Variants in VTI1A observed in about 807,000 individuals in gnomAD.
The protein encoded by VTI1A is vesicle transport through interaction with t-SNAREs 1A.
Under a neutral mutation model 34.9 loss-of-function variants are expected in VTI1A, and 22 were observed. That is an observed-to-expected ratio of 0.63 (90% CI 0.45 to 0.90). The LOEUF (loss-of-function observed/expected upper bound fraction) is 0.90, where lower values mean the gene tolerates loss of function less well. Ranked by LOEUF, VTI1A falls within the 40% of genes least tolerant of loss-of-function variation. VTI1A has a pLI of 0.00. For missense variants in VTI1A, 268 were observed against 275.6 expected, an observed-to-expected ratio of 0.97 and a Z score of 0.20; for synonymous variants, 87 against 97.3, an observed-to-expected ratio of 0.89 and a Z score of 0.62.
chr10:112,564,877 A>G (rs1205406331), intron 5 of VTI1A, among the ~76,000 whole-genome samples: 1 of 152,132 alleles, frequency 6.6e-6, no homozygotes, highest in Admixed American at 6.5e-5. Flanking sequence ...AGTGTTTGCC[A>G]ATAATTTTTG....
intron 3 of VTI1A, among the ~76,000 whole-genome samples, chr10:112,473,861 G>A (rs566209687): frequency 6.6e-6 from 1 of 152,022 alleles, no homozygotes; most frequent in South Asian, 2.1e-4. Context: ...ATGATTTTGG[G>A]GATTTTATAG....
intron 5 of VTI1A, among the ~76,000 whole-genome samples, chr10:112,583,387 C>T (rs566622998): frequency 1.3e-5 from 2 of 152,266 alleles, no homozygotes; most frequent in African/African-American, 2.4e-5. Context: ...TGTGTATATC[C>T]GCTTTATCAG....
At chr10:112,669,673 C>G (rs878900921) in intron 7 of VTI1A, among the ~76,000 whole-genome samples, 26 of 151,970 alleles carry the variant, frequency 1.7e-4, no homozygotes, top group Non-Finnish European at 1.8e-4. Context: ...TCATCTAGCA[C>G]GACTGTCAGT....
At position 112,473,103 on chromosome 10, in the gene VTI1A, CTTT is replaced by C. The variant is rs201001465; in HGVS notation, c.264+8462_264+8464del. On this transcript the variant is annotated intron_variant, in intron 3 of 7. Transcript: ENST00000393077. ...CATAACAATGAGGTCATTTGATCCA[CTTT>C]TTTTTTTTTTTTTTTCTTTTTGAGA... Among the ~76,000 whole-genome samples the C allele has an allele frequency of 7.1e-3, 944 of 133,860 alleles. 10 individuals are homozygous for C. Among genetic ancestry groups the C allele is most frequent in the African/African-American group, 0.025 (919 of 36,722 alleles). The allele number at this position is 133,860 out of a possible 152,430, so 87.8% of individuals were successfully genotyped here.
At position 112,632,578 on chromosome 10, in the gene VTI1A, C is replaced by T. The variant is rs188982353; in HGVS notation, c.428-35640C>T. Among the ~76,000 whole-genome samples, 87 of 152,312 alleles carry T rather than the reference C, an allele frequency of 5.7e-4. 1 individual carries two copies. The highest frequency in any genetic ancestry group is 5.1e-3 in the Admixed American group (78 of 15,300). On this transcript the variant is annotated intron_variant, in intron 5 of 7. Coordinates refer to ENST00000393077, the MANE Select transcript of VTI1A (RefSeq NM_145206.4). ...CCATGGGGATCGTTGCCAGCCACTGCGGGCAGGGATAGACGGGATTCACAT... is the reference window on the plus strand; with the variant it reads ...CCATGGGGATCGTTGCCAGCCACTGTGGGCAGGGATAGACGGGATTCACAT...
At chr10:112,774,991 C>T (rs556821565) in intron 7 of VTI1A, among the ~76,000 whole-genome samples, 58 of 152,272 alleles carry the variant, frequency 3.8e-4, no homozygotes, top group South Asian at 8.3e-4. Flanking sequence ...AGAACAATGA[C>T]GCCTGTGTCA....
chr10:112,758,828 T>G (rs1006775240), intron 7 of VTI1A, among the ~76,000 whole-genome samples: 9 of 152,258 alleles, frequency 5.9e-5, no homozygotes, highest in Non-Finnish European at 1.3e-4. Flanking sequence ...TTGTTATTAT[T>G]TTCATACACA....
At chr10:112,814,709 G>C (rs564223269) in intron 7 of VTI1A, among the ~76,000 whole-genome samples, 2 of 152,134 alleles carry the variant, frequency 1.3e-5, no homozygotes, top group African/African-American at 2.4e-5. Context: ...CAAATGTAAC[G>C]TTTCCTCCTA....
chr10:112,660,826 C>G (rs1468234723), intron 5 of VTI1A, among the ~76,000 whole-genome samples: 1 of 152,146 alleles, frequency 6.6e-6, no homozygotes, highest in Non-Finnish European at 1.5e-5. Flanking sequence ...TTACATAAAA[C>G]TCAAGAGCCA....
intron 5 of VTI1A, among the ~76,000 whole-genome samples, chr10:112,562,298 G>T (rs191486222): frequency 1.1e-3 from 166 of 152,166 alleles, no homozygotes; most frequent in African/African-American, 3.9e-3. Flanking sequence ...CTTAATGTTT[G>T]TTCGAGAATT....
Position 112,553,040 on chromosome 10 carries a change from T to C in VTI1A, c.427+14710T>C, listed in dbSNP as rs147804620. On this transcript the variant is annotated intron_variant, in intron 5 of 7. Transcript: ENST00000393077. ...ATGCTAACAAATTCAAATGAACTAATCGTCTCACATCCACCCCTTGTAAAT... is the reference window on the plus strand; with the variant it reads ...ATGCTAACAAATTCAAATGAACTAACCGTCTCACATCCACCCCTTGTAAAT... Among the ~76,000 whole-genome samples, 1,464 of 152,350 alleles carry C rather than the reference T, an allele frequency of 9.6e-3. 9 individuals carry two copies. The highest frequency in any genetic ancestry group is 0.016 in the Admixed American group (251 of 15,298).
At chr10:112,537,441 A>G (rs981920306) in intron 4 of VTI1A, among the ~76,000 whole-genome samples, 1 of 150,754 alleles carries the variant, frequency 6.6e-6, no homozygotes, top group Non-Finnish European at 1.5e-5. Context: ...AAAAAAATCA[A>G]CAACAACCAT....
rs553843703 is a variant in VTI1A at position 112,808,673 on chromosome 10, G to A, written c.561-6617G>A. Among the ~76,000 whole-genome samples the A allele has an allele frequency of 6.5e-4, 98 of 151,274 alleles. 4 individuals are homozygous for A. In the South Asian group the frequency reaches 0.021, roughly 32 times the overall value. Reference sequence around the variant, plus strand: ...AGCGAGAGAATCCCCAACCATACTTGCTGCAGTCAATGGGGAATTGTTTGG... The same window carrying A: ...AGCGAGAGAATCCCCAACCATACTTACTGCAGTCAATGGGGAATTGTTTGG... On this transcript the variant is annotated intron_variant, in intron 7 of 7. Coordinates refer to ENST00000393077, the MANE Select transcript of VTI1A (RefSeq NM_145206.4).
chr10:112,666,916 A>G (rs1312505023), intron 5 of VTI1A, among the ~76,000 whole-genome samples: 1 of 152,078 alleles, frequency 6.6e-6, no homozygotes, highest in African/African-American at 2.4e-5. Context: ...ATATAGTACT[A>G]TTATTATTAT....
chr10:112,736,135 ATATG>A (rs1403121175), intron 7 of VTI1A, among the ~76,000 whole-genome samples: 1 of 145,874 alleles, frequency 6.9e-6, no homozygotes, highest in Admixed American at 6.8e-5. Context: ...ATATATATAT[ATATG>A]TAAATGTATA....
chr10:112,788,514 C>T (rs1852364329), intron 7 of VTI1A, among the ~76,000 whole-genome samples: 3 of 152,134 alleles, frequency 2.0e-5, no homozygotes, highest in South Asian at 2.1e-4. Flanking sequence ...AACTTTCACC[C>T]TCTATGTGCT....
At chr10:112,590,559 A>G (rs938991708) in intron 5 of VTI1A, among the ~76,000 whole-genome samples, 2 of 151,916 alleles carry the variant, frequency 1.3e-5, no homozygotes, top group Admixed American at 1.3e-4. Flanking sequence ...ATGCATGCCT[A>G]TAATCCCAGC....
chr10:112,464,775 T>G, intron 3 of VTI1A, 118 bp downstream of exon 3: 2 of 823,500 alleles, frequency 2.4e-6, no homozygotes, highest in Non-Finnish European at 1.9e-6. Context: ...AAGTAACAGC[T>G]TTCATTCTTT....
chr10:112,659,021 G>A (rs900695701), intron 5 of VTI1A, among the ~76,000 whole-genome samples: 2 of 152,212 alleles, frequency 1.3e-5, no homozygotes, highest in Middle Eastern at 3.2e-3. Context: ...TGTGTGCAGA[G>A]TTCACAAAGA....
Sources: gnomAD v4.1 joint callset for allele counts (sites outside exome capture counted in the v4.1 genomes callset) on GRCh38, gnomAD v4.1.1 for gene constraint, MANE v1.5 for transcripts, NCBI Gene and HGNC (gene_info 2026-07-23, HGNC 2026-07-21) for gene names.